The following DOCK4 variants were observed in gnomAD, a reference collection of about 807,000 sequenced individuals.
DOCK4 encodes dedicator of cytokinesis protein 4.
A neutral mutation model predicts 268.1 loss-of-function variants in DOCK4; 97 were observed. The observed-to-expected ratio is 0.36, with a 90% CI of 0.31 to 0.43. The LOEUF is 0.43. Ranked by LOEUF, DOCK4 falls within the 20% of genes least tolerant of loss-of-function variation. The pLI is 1.00. For synonymous variants in DOCK4, 954 were observed against 887.2 expected, an observed-to-expected ratio of 1.08 and a Z score of -1.34; for missense variants, 2,145 against 2,455.7, an observed-to-expected ratio of 0.87 and a Z score of 2.67.
intron 1 of DOCK4, among the ~76,000 whole-genome samples, chr7:112,123,016 T>C (rs1339300780): frequency 6.6e-6 from 1 of 152,198 alleles, no homozygotes; most frequent in Non-Finnish European, 1.5e-5. Context: ...ACTTTATTAA[T>C]GTATACACAG....
rs577471343 is a variant in DOCK4 at position 111,846,868 on chromosome 7, T to C, written c.2601+131A>G. 6 of 1,114,352 alleles carry C rather than the reference T, an allele frequency of 5.4e-6. No homozygotes were observed. The African/African-American group carries it at 6.4e-5, about 12-fold the overall frequency. 69.0% of individuals were successfully genotyped at this position (1,114,352 alleles called of 1,614,324 possible). On this transcript the variant is annotated intron_variant, in intron 24 of 52. Coordinates refer to ENST00000428084, the MANE Select transcript of DOCK4 (RefSeq NM_001363540.2). ...ATTCCTTCCAAAGAGAAGCAAAAAG[T>C]CCAGCCCAGCTGGAAATAAAAGTGG...
At chr7:112,197,679 G>A (rs186328328) in intron 1 of DOCK4, among the ~76,000 whole-genome samples, 2 of 152,302 alleles carry the variant, frequency 1.3e-5, no homozygotes, top group Non-Finnish European at 2.9e-5. Flanking sequence ...ACTGCTGTTT[G>A]AAATTTGGGG....
At chr7:112,112,334 G>A (rs1811737914) in intron 1 of DOCK4, among the ~76,000 whole-genome samples, 1 of 152,134 alleles carries the variant, frequency 6.6e-6, no homozygotes, top group Non-Finnish European at 1.5e-5. Flanking sequence ...GCTTCCTGAG[G>A]CCTTCACCAG....
chr7:112,018,002 C>A (rs1376454131), intron 1 of DOCK4, among the ~76,000 whole-genome samples: 1 of 151,526 alleles, frequency 6.6e-6, no homozygotes, highest in Non-Finnish European at 1.5e-5. Flanking sequence ...CTGGCTAACA[C>A]GGTGAAACCC....
chr7:112,048,120 AT>A (rs1213575835), intron 1 of DOCK4, among the ~76,000 whole-genome samples: 2 of 152,176 alleles, frequency 1.3e-5, no homozygotes, highest in East Asian at 1.9e-4. Flanking sequence ...AATGGCTAAA[AT>A]TTTTCCAAAT....
intron 1 of DOCK4, among the ~76,000 whole-genome samples, chr7:112,111,996 C>T (rs1487461206): frequency 6.6e-6 from 1 of 152,188 alleles, no homozygotes; most frequent in Non-Finnish European, 1.5e-5. Flanking sequence ...TGTACCAACA[C>T]CTGTAGCATC....
chr7:111,877,174 T>C lies in DOCK4; in HGVS notation c.1600A>G (p.Thr534Ala), dbSNP rs760857727. The change falls in exon 17 of 53, where the codon ACA becomes GCA. Residue 534 changes from threonine to alanine, a missense_variant. Around this residue, in one of 2 missense-constraint regions of DOCK4, gnomAD observed 1,598 missense variants for 1,986.7 expected, o/e 0.80. Transcript: ENST00000428084. ...ELIVHKCEEN[T>A]NLQDTTRYLK... is the part of the protein sequence containing the mutation. ...TAGCGGGTAGTATCCTGAAGATTTG[T>C]GTTTTCTTCACACTGTTAAAAATAT... The C allele has an allele frequency of 2.0e-6, 3 of 1,520,198 alleles. No homozygotes were observed. The highest frequency in any genetic ancestry group is 2.4e-5 in the East Asian group (1 of 41,232). The allele number at this position is 1,520,198 out of a possible 1,614,324, so 94.2% of individuals were successfully genotyped here.
At chr7:112,130,028 A>G (rs957524210) in intron 1 of DOCK4, among the ~76,000 whole-genome samples, 5 of 152,230 alleles carry the variant, frequency 3.3e-5, no homozygotes, top group Non-Finnish European at 7.3e-5. Context: ...CCTTGAACAC[A>G]TCTAGACACG....
At chr7:112,104,597 C>G (rs775159608) in intron 1 of DOCK4, among the ~76,000 whole-genome samples, 15 of 152,198 alleles carry the variant, frequency 9.9e-5, no homozygotes, top group Non-Finnish European at 1.5e-4. Context: ...CCCACCCCGC[C>G]TCATCTCCTG....
At chr7:111,983,344 A>G (rs1172988722) in intron 7 of DOCK4, among the ~76,000 whole-genome samples, 1 of 152,174 alleles carries the variant, frequency 6.6e-6, no homozygotes, top group Non-Finnish European at 1.5e-5. Flanking sequence ...AAGATATGCC[A>G]AAAGAGGCAG....
In DOCK4 at chr7:112,147,795, A is replaced by ATT. The variant is rs553280609; in HGVS notation, c.37+58305_37+58306dup. Among the ~76,000 whole-genome samples, 983 of 102,854 alleles carry ATT rather than the reference A, an allele frequency of 9.6e-3. 21 individuals are homozygous for ATT. Among genetic ancestry groups the ATT allele is most frequent in the African/African-American group, 0.015 (399 of 26,204 alleles). 67.5% of individuals were successfully genotyped at this position (102,854 alleles called of 152,430 possible). ...GAACAATTCCCAGGAGCAAACGTAG[A>ATT]TTTTTTTTTTTTTTTTTTTTTTTTT... On this transcript the variant is annotated intron_variant, in intron 1 of 52. Coordinates refer to ENST00000428084, the MANE Select transcript of DOCK4 (RefSeq NM_001363540.2).
intron 1 of DOCK4, among the ~76,000 whole-genome samples, chr7:112,189,814 G>A (rs1055365575): frequency 2.8e-5 from 4 of 145,236 alleles, no homozygotes; most frequent in Non-Finnish European, 4.5e-5. Flanking sequence ...ACTCCTGGGC[G>A]CAAGCAATCC....
intron 23 of DOCK4, among the ~76,000 whole-genome samples, chr7:111,855,574 C>T (rs965127710): frequency 1.1e-4 from 16 of 152,216 alleles, no homozygotes; most frequent in African/African-American, 3.9e-4. Context: ...AAGTTTGGAG[C>T]TCCGAGGAGA....
At chr7:112,159,556 G>A (rs974889520) in intron 1 of DOCK4, among the ~76,000 whole-genome samples, 8 of 151,966 alleles carry the variant, frequency 5.3e-5, no homozygotes, top group Non-Finnish European at 1.0e-4. Context: ...AACACAGTTC[G>A]TACTTCCGTA....
intron 22 of DOCK4, 99 bp downstream of exon 22, chr7:111,867,885 G>A (rs1055011008): frequency 4.3e-5 from 51 of 1,182,078 alleles, no homozygotes; most frequent in Non-Finnish European, 5.4e-5. Context: ...TGGAGCAATT[G>A]ACTTCTGATG....
At chr7:111,932,627 T>A (rs1468362766) in intron 12 of DOCK4, among the ~76,000 whole-genome samples, 5 of 152,068 alleles carry the variant, frequency 3.3e-5, no homozygotes, top group South Asian at 2.1e-4. Context: ...AAAAAAAAAA[T>A]TTAATAGCAT....
chr7:111,931,565 C>G (rs1243120438), intron 12 of DOCK4, among the ~76,000 whole-genome samples: 1 of 152,016 alleles, frequency 6.6e-6, no homozygotes, highest in Non-Finnish European at 1.5e-5. Context: ...TAAAAGAAAC[C>G]AGGAAGAGAT....
intron 1 of DOCK4, among the ~76,000 whole-genome samples, chr7:112,066,684 CATATACATATATATATAT>C (rs1251863994): frequency 0.06 from 2,768 of 46,052 alleles, 177 homozygotes; most frequent in South Asian, 0.075. Flanking sequence ...TACATATATA[CATATACATATATATATAT>C]ATATATATAT....
chr7:111,984,726 G>A (rs1289314407), intron 6 of DOCK4, among the ~76,000 whole-genome samples: 1 of 152,168 alleles, frequency 6.6e-6, no homozygotes, highest in Non-Finnish European at 1.5e-5. Flanking sequence ...CCACACTGGA[G>A]TGAATGGAAA....
Sources: allele counts gnomAD v4.1 joint callset (sites outside exome capture counted in the v4.1 genomes callset), GRCh38; gene constraint gnomAD v4.1.1; regional missense constraint gnomAD v4.1.1; transcripts MANE v1.5; gene names NCBI Gene and HGNC (gene_info 2026-07-23, HGNC 2026-07-21).